EDDM3A: variants seen among roughly 807,000 people sequenced by gnomAD.
EDDM3A encodes the protein epididymal protein 3A.
For missense variants in EDDM3A, 199 were observed against 177.4 expected (o/e 1.12, Z -0.69); for synonymous variants, 75 against 60.4 (o/e 1.24, Z -1.12).
chr14:20,745,349 A>G (rs181307739), upstream of EDDM3A, among the ~76,000 whole-genome samples: 572 of 151,700 alleles, frequency 3.8e-3, 2 homozygotes, highest in Non-Finnish European at 5.8e-3. Context: ...ACACGGTGAA[A>G]CCCCGTCTCT....
chr14:20,741,841 C>A (rs61976904), upstream of EDDM3A, among the ~76,000 whole-genome samples: 1 of 152,044 alleles, frequency 6.6e-6, no homozygotes, highest in Non-Finnish European at 1.5e-5. Context: ...TTTAGCCTTT[C>A]TAGTAGATAC....
In EDDM3A at chr14:20,747,894, G is replaced by T; in HGVS notation, c.314G>T (p.Cys105Phe). The T allele has an allele frequency of 6.2e-7, 1 of 1,614,158 alleles. No homozygotes were observed. The highest frequency in any genetic ancestry group is 1.1e-5 in the South Asian group (1 of 91,084). ...CCAGGTGCCCTCAAAGTACTCGAGT[G>T]TCACTGGGAGAAGTACAACAATAGG... ...WAPGALKVLE[C>F]HWEKYNNRYT... Residue 105 changes from cysteine to phenylalanine, a missense_variant, in exon 2 of 2, where the codon TGT becomes TTT. Coordinates refer to ENST00000326842, the MANE Select transcript of EDDM3A (RefSeq NM_006683.5).
At chr14:20,736,706 A>AT in the EDDM3A span, among the ~76,000 whole-genome samples, 1 of 151,958 alleles carries the variant, frequency 6.6e-6, no homozygotes, top group Non-Finnish European at 1.5e-5. Context: ...GATTTCTTTT[A>AT]TTTTTTATTT....
At chr14:20,738,920 G>A in the EDDM3A span, among the ~76,000 whole-genome samples, 1 of 152,102 alleles carries the variant, frequency 6.6e-6, no homozygotes, top group Non-Finnish European at 1.5e-5. Context: ...CACTGAGAAG[G>A]GTCTCTTGTG....
chr14:20,741,434 G>T (rs1877431405), upstream of EDDM3A, among the ~76,000 whole-genome samples: 1 of 152,170 alleles, frequency 6.6e-6, no homozygotes, highest in South Asian at 2.1e-4. Context: ...GAACCAAAGA[G>T]AACTATAAAA....
At chr14:20,742,551 G>A (rs1352055347), upstream of EDDM3A, among the ~76,000 whole-genome samples, 3 of 152,166 alleles carry the variant, frequency 2.0e-5, no homozygotes, top group Non-Finnish European at 4.4e-5. Flanking sequence ...GTCTCAAGGA[G>A]TATGGGGTTA....
Position 20,747,910 on chromosome 14 carries a change from C to A in EDDM3A, c.330C>A (p.Tyr110Ter), listed in dbSNP as rs772378207. Residue 110 changes from tyrosine (Y) to a stop codon, truncating the protein, a stop_gained, in exon 2 of 2, where the codon TAC becomes TAA. Transcript: ENST00000326842. LOFTEE classifies it low-confidence loss of function (END_TRUNC). ...TACTCGAGTGTCACTGGGAGAAGTA[C>A]AACAATAGGTACACAGAGAGCAGAA... is the stretch of plus-strand genomic sequence containing the variant. ...LKVLECHWEK[Y>*]NNRYTESRSF... The A allele has an allele frequency of 7.4e-6, 12 of 1,614,018 alleles. No homozygotes were observed. The Admixed American group carries it at 1.0e-4, about 13-fold the overall frequency.
At chr14:20,747,027 A>T (rs1877611706) in intron 1 of EDDM3A, among the ~76,000 whole-genome samples, 1 of 131,518 alleles carries the variant, frequency 7.6e-6, no homozygotes, top group South Asian at 2.7e-4. Context: ...CTCAAAAGGT[A>T]CTTTATCTAT....
chr14:20,738,437 C>T, the EDDM3A span, among the ~76,000 whole-genome samples: 50 of 151,450 alleles, frequency 3.3e-4, 1 homozygote, highest in East Asian at 8.4e-3. Flanking sequence ...TGCCATTGCA[C>T]TCCAGCCTGG....
At chr14:20,742,822 C>T (rs1877476294), upstream of EDDM3A, among the ~76,000 whole-genome samples, 1 of 151,746 alleles carries the variant, frequency 6.6e-6, no homozygotes, top group East Asian at 1.9e-4. Flanking sequence ...GTTTTCAACT[C>T]CTGGCCTCAA....
At chr14:20,741,194 A>G (rs1393088074), upstream of EDDM3A, among the ~76,000 whole-genome samples, 1 of 152,232 alleles carries the variant, frequency 6.6e-6, no homozygotes, top group Non-Finnish European at 1.5e-5. Flanking sequence ...GAAGTAAGGC[A>G]TAAGCCCAAT....
chr14:20,746,020 G>A (rs1260340937), intron 1 of EDDM3A, 28 bp downstream of exon 1: 1 of 152,220 alleles, frequency 6.6e-6, no homozygotes, highest in Non-Finnish European at 1.5e-5. Flanking sequence ...GAGGTTGCTC[G>A]GGGGACAGCC....
At chr14:20,736,731 G>A in the EDDM3A span, among the ~76,000 whole-genome samples, 2 of 151,954 alleles carry the variant, frequency 1.3e-5, no homozygotes, top group Admixed American at 1.3e-4. Flanking sequence ...ATTTTTTTAA[G>A]ACAGAGTCTC....
chr14:20,747,636 G>T lies in EDDM3A; in HGVS notation c.56G>T (p.Cys19Phe), dbSNP rs768838642. 1.2e-6 allele frequency: 2 copies of T among 1,613,774 alleles called. No homozygotes were observed. The highest frequency in any genetic ancestry group is 4.5e-5 in the East Asian group (2 of 44,882). The change falls in exon 2 of 2, where the codon TGC becomes TTC. Residue 19 changes from cysteine to phenylalanine, a missense_variant. Cys to Phe is a radical substitution (Grantham distance 205, BLOSUM62 -2). Coordinates refer to ENST00000326842, the MANE Select transcript of EDDM3A (RefSeq NM_006683.5). ...GILLALLCIL[C>F]RLCVYSNNIY... ...CTCTTGGCCCTGCTTTGCATCCTTT[G>T]CAGGCTGTGTGTATACAGTAACAAC...
rs377154372 is a variant in EDDM3A at position 20,747,784 on chromosome 14, C to T, written c.204C>T (p.Phe68=). 17 of 1,614,044 alleles carry T rather than the reference C, an allele frequency of 1.1e-5. No individual in the cohort carries two copies. In the African/African-American group the frequency reaches 2.0e-4, roughly 19 times the overall value. ...EALKGKSFHM[F]IYSLWFKIQR... ...TGAAAGGCAAGAGCTTTCATATGTTCATCTATAGCTTATGGTTCAAAATTC... is the reference window on the plus strand; with the variant it reads ...TGAAAGGCAAGAGCTTTCATATGTTTATCTATAGCTTATGGTTCAAAATTC... Residue 68 remains phenylalanine (F), a synonymous_variant, in exon 2 of 2, where the codon TTC becomes TTT. Transcript: ENST00000326842.
chr14:20,745,237 A>G (rs565145705), upstream of EDDM3A, among the ~76,000 whole-genome samples: 1,373 of 148,614 alleles, frequency 9.2e-3, 15 homozygotes, highest in Middle Eastern at 0.018. Context: ...AAAAAAAAAA[A>G]GGCAAAAGAC....
At chr14:20,737,405 C>T in the EDDM3A span, among the ~76,000 whole-genome samples, 1 of 152,068 alleles carries the variant, frequency 6.6e-6, no homozygotes, top group Non-Finnish European at 1.5e-5. Context: ...GGACCTCGTA[C>T]ATGCCAAGGA....
At position 20,747,886 on chromosome 14, in the gene EDDM3A, A is replaced by C. The variant is rs771599870; in HGVS notation, c.306A>C (p.Val102=). Residue 102 remains valine (V), a synonymous_variant, in exon 2 of 2, where the codon GTA becomes GTC. Coordinates refer to ENST00000326842, the MANE Select transcript of EDDM3A (RefSeq NM_006683.5). ...AYVWAPGALK[V]LECHWEKYNN... ...TATGGGCCCCAGGTGCCCTCAAAGT[A>C]CTCGAGTGTCACTGGGAGAAGTACA... 1 of 1,614,128 alleles carries C rather than the reference A, an allele frequency of 6.2e-7. No homozygotes were observed. The highest frequency in any genetic ancestry group is 8.5e-7 in the Non-Finnish European group (1 of 1,180,004).
At chr14:20,742,444 TTG>T (rs1877462279), upstream of EDDM3A, among the ~76,000 whole-genome samples, 1 of 152,228 alleles carries the variant, frequency 6.6e-6, no homozygotes. Context: ...AAGCAGAGCA[TTG>T]TGAAAATACA....
Sources: gnomAD v4.1 joint callset for allele counts (sites outside exome capture counted in the v4.1 genomes callset) on GRCh38, gnomAD v4.1.1 for gene constraint, MANE v1.5 for transcripts, NCBI Gene and HGNC (gene_info 2026-07-23, HGNC 2026-07-21) for gene names.